The following ASB15 variants were observed in gnomAD, a reference collection of about 807,000 sequenced individuals.
ASB15 encodes the protein ankyrin repeat and SOCS box containing 15.
In ASB15, 54 loss-of-function variants were observed where a neutral mutation model predicts 58.0. The observed-to-expected ratio is 0.93, with a 90% CI of 0.75 to 1.17. The LOEUF (loss-of-function observed/expected upper bound fraction) is 1.17, where lower values mean the gene tolerates loss of function less well. ASB15 is among the 50% of genes most tolerant of loss of function. ASB15 has a pLI of 0.00. For synonymous variants in ASB15, 249 were observed against 262.4 expected, an observed-to-expected ratio of 0.95 and a Z score of 0.50; for missense variants, 680 against 707.4, an observed-to-expected ratio of 0.96 and a Z score of 0.44.
intron 1 of ASB15, among the ~76,000 whole-genome samples, chr7:123,579,014 G>GA (rs1799149731): frequency 6.6e-6 from 1 of 152,024 alleles, no homozygotes; most frequent in Non-Finnish European, 1.5e-5. Flanking sequence ...GCCAAATAGT[G>GA]ATTGTAGTAC....
At chr7:123,625,984 C>T (rs1416140317) in intron 8 of ASB15, among the ~76,000 whole-genome samples, 1 of 152,102 alleles carries the variant, frequency 6.6e-6, no homozygotes, top group Non-Finnish European at 1.5e-5. Flanking sequence ...CCCCAGCTCT[C>T]ACCATAAGCA....
At chr7:123,589,301 TTTATTA>T (rs35194530) in intron 1 of ASB15, among the ~76,000 whole-genome samples, 29 of 147,482 alleles carry the variant, frequency 2.0e-4, no homozygotes, top group African/African-American at 6.2e-4. Flanking sequence ...CTTTCATCTC[TTTATTA>T]TTATTATTAT....
intron 1 of ASB15, among the ~76,000 whole-genome samples, chr7:123,578,584 T>C (rs1799135053): frequency 6.7e-6 from 1 of 149,708 alleles, no homozygotes; most frequent in Admixed American, 6.6e-5. Flanking sequence ...AGACTGATAT[T>C]TTTCCTTATT....
chr7:123,597,965 T>C (rs1799752834), upstream of ASB15, among the ~76,000 whole-genome samples: 1 of 151,514 alleles, frequency 6.6e-6, no homozygotes, highest in South Asian at 2.1e-4. Context: ...TGTGTGTCTT[T>C]GTTCTCTGAC....
At chr7:123,602,872 T>C (rs1249379977) in intron 1 of ASB15, among the ~76,000 whole-genome samples, 1 of 152,156 alleles carries the variant, frequency 6.6e-6, no homozygotes, top group Non-Finnish European at 1.5e-5. Context: ...GCCTCCATTG[T>C]CAGATGACTG....
At chr7:123,594,441 T>C (rs1799636625) in intron 1 of ASB15, among the ~76,000 whole-genome samples, 1 of 152,196 alleles carries the variant, frequency 6.6e-6, no homozygotes. Context: ...TCTTTGTTGT[T>C]GGTGACCTAC....
chr7:123,597,097 T>C (rs1799720323), upstream of ASB15, among the ~76,000 whole-genome samples: 2 of 152,196 alleles, frequency 1.3e-5, no homozygotes, highest in South Asian at 2.1e-4. Flanking sequence ...AGTCAAAAAA[T>C]ATTAAACGAA....
chr7:123,617,271 A>G (rs1800880561), intron 6 of ASB15, among the ~76,000 whole-genome samples: 1 of 152,212 alleles, frequency 6.6e-6, no homozygotes, highest in Non-Finnish European at 1.5e-5. Context: ...TTTCAGTTAC[A>G]ATATAAATTA....
intron 2 of ASB15, among the ~76,000 whole-genome samples, chr7:123,605,547 C>A (rs569545735): frequency 1.3e-5 from 2 of 152,094 alleles, no homozygotes; most frequent in African/African-American, 4.8e-5. Flanking sequence ...TGCACACGTA[C>A]GTTCACTGCA....
intron 1 of ASB15, among the ~76,000 whole-genome samples, chr7:123,590,926 G>C (rs76285571): frequency 0.29 from 44,682 of 151,896 alleles, 6,698 homozygotes; most frequent in East Asian, 0.4. Flanking sequence ...TCTTCCTATC[G>C]ATGAGTATGG....
chr7:123,591,872 T>C (rs1333514996), intron 1 of ASB15, among the ~76,000 whole-genome samples: 2 of 152,246 alleles, frequency 1.3e-5, no homozygotes, highest in African/African-American at 4.8e-5. Flanking sequence ...TCAGAAGGAA[T>C]GGTACCAGCT....
In ASB15 at chr7:123,636,953, T is replaced by C. The variant is rs750571977; in HGVS notation, c.1739T>C (p.Leu580Pro). ...TACATATTATTTAAAGAGTATGATC[T>C]CTATGGACAAGAGCTAAAATTGACA... ...QRYILFKEYD[L>P]YGQELKLT is the part of the protein sequence containing the mutation. The change falls in exon 12 of 12, where the codon CTC (leucine) becomes CCC (proline). Residue 580 changes from leucine to proline, a missense_variant. By Grantham distance (98) the Leu-to-Pro change is moderately conservative. Transcript: ENST00000451215. 1.9e-6 allele frequency: 3 copies of C among 1,561,340 alleles called. No homozygotes were observed. The highest frequency in any genetic ancestry group is 2.3e-5 in the South Asian group (2 of 86,182).
intron 8 of ASB15, 65 bp from the exon 9 acceptor site, chr7:123,627,045 G>T: frequency 6.6e-7 from 1 of 1,511,052 alleles, no homozygotes; most frequent in Non-Finnish European, 9.0e-7. Context: ...ACAACAGGCT[G>T]TTTTTAAGGG....
In ASB15 at chr7:123,579,260, A is replaced by G. The variant is rs150619354; in HGVS notation, c.-443+12172A>G. Among the ~76,000 whole-genome samples, 319 of 152,184 alleles carry G rather than the reference A, an allele frequency of 2.1e-3. 2 individuals are homozygous for G. Among genetic ancestry groups the G allele is most frequent in the African/African-American group, 7.2e-3 (299 of 41,542 alleles). ...TCTTTTTATGGCTGTGTAGTATTTC[A>G]TGGTGTAGATATACTACATTTTCTT... On this transcript the variant is annotated intron_variant, in intron 1 of 13. Coordinates refer to the ASB15 transcript ENST00000451558.
chr7:123,591,216 T>C (rs1052593643), intron 1 of ASB15, among the ~76,000 whole-genome samples: 6 of 152,196 alleles, frequency 3.9e-5, no homozygotes, highest in Non-Finnish European at 7.3e-5. Flanking sequence ...CAATGGGATT[T>C]TCTAAATATA....
chr7:123,588,996 C>T (rs1175151806), intron 1 of ASB15, among the ~76,000 whole-genome samples: 3 of 151,620 alleles, frequency 2.0e-5, no homozygotes, highest in African/African-American at 7.3e-5. Context: ...ATGATCTATC[C>T]TGGAGAATAT....
chr7:123,587,771 CT>C (rs1384342086), intron 1 of ASB15, among the ~76,000 whole-genome samples: 3 of 151,794 alleles, frequency 2.0e-5, no homozygotes, highest in African/African-American at 7.2e-5. Flanking sequence ...TTGTCAAATA[CT>C]TTTTCTGCAT....
intron 11 of ASB15, among the ~76,000 whole-genome samples, chr7:123,635,442 T>G (rs1802368409): frequency 6.6e-6 from 1 of 152,184 alleles, no homozygotes. Flanking sequence ...ATAAGTTAAT[T>G]TCTCATAGTA....
chr7:123,589,653 T>A (rs1349823509), intron 1 of ASB15, among the ~76,000 whole-genome samples: 1 of 152,160 alleles, frequency 6.6e-6, no homozygotes, highest in East Asian at 1.9e-4. Flanking sequence ...CATGAACTCA[T>A]CCTTTTTTAT....
Sources: gnomAD v4.1 joint callset for allele counts (sites outside exome capture counted in the v4.1 genomes callset) on GRCh38, gnomAD v4.1.1 for gene constraint, MANE v1.5 for transcripts, NCBI Gene and HGNC (gene_info 2026-07-23, HGNC 2026-07-21) for gene names.